PPP6R2: variants seen among roughly 807,000 people sequenced by gnomAD.
PPP6R2 encodes serine/threonine-protein phosphatase 6 regulatory subunit 2.
A neutral mutation model predicts 100.2 loss-of-function variants in PPP6R2; 62 were observed. The observed-to-expected ratio is 0.62, with a 90% confidence interval of 0.50 to 0.76. The LOEUF is 0.76. PPP6R2 is among the 30% of genes least tolerant of loss of function. The pLI is 0.00. For synonymous variants in PPP6R2, 525 were observed against 514.7 expected (o/e 1.02, Z -0.27); for missense variants, 1,142 against 1,276.3 (o/e 0.89, Z 1.60).
intron 1 of PPP6R2, among the ~76,000 whole-genome samples, chr22:50,354,804 G>A (rs944657135): frequency 1.3e-5 from 2 of 151,466 alleles, no homozygotes; most frequent in Non-Finnish European, 2.9e-5. Context: ...TCTCGTACAC[G>A]TACATACAAA....
chr22:50,351,057 T>A (rs1294457184), intron 1 of PPP6R2, among the ~76,000 whole-genome samples: 8 of 104,854 alleles, frequency 7.6e-5, no homozygotes, highest in Non-Finnish European at 9.8e-5. Flanking sequence ...TTTTTTTTTT[T>A]GAGACAGAGT....
At chr22:50,338,922 GGTATGTGGT>G (rs1450143993), upstream of PPP6R2, among the ~76,000 whole-genome samples, 1 of 132,550 alleles carries the variant, frequency 7.5e-6, no homozygotes, top group African/African-American at 3.2e-5. Context: ...TAGTGTGTGT[GGTATGTGGT>G]GTGTGTGGGT....
rs757972012 is a variant in PPP6R2, at chr22:50,437,027, G to A, written c.1642G>A (p.Asp548Asn). The change falls in exon 15 of 24, where the codon GAC becomes AAC. Residue 548 changes from aspartate (D) to asparagine (N), a missense_variant. Transcript: ENST00000612753. ...CCTTCACTCCTCAAGTGAGGACGAG[G>A]ACATTGAGGGTGCTTTCCCTAACGA... is the stretch of plus-strand genomic sequence containing the variant. ...HHLHSSSEDE[D>N]IEGAFPNELS... 6.4e-7 allele frequency: 1 copy of A among 1,563,184 alleles called. No homozygotes were observed. The highest frequency in any genetic ancestry group is 1.2e-5 in the South Asian group (1 of 84,916).
intron 1 of PPP6R2, among the ~76,000 whole-genome samples, chr22:50,364,617 G>A (rs1432421294): frequency 6.6e-6 from 1 of 152,192 alleles, no homozygotes; most frequent in Non-Finnish European, 1.5e-5. Flanking sequence ...ACTGAGGAGG[G>A]ACTCAGAAAG....
At chr22:50,414,764 C>T (rs2060291013) in intron 5 of PPP6R2, 75 bp downstream of exon 5, 1 of 1,523,490 alleles carries the variant, frequency 6.6e-7, no homozygotes, top group African/African-American at 1.4e-5. Context: ...TGCAGGAGCT[C>T]AGAGCACCAG....
At chr22:50,399,718 C>T (rs1267897454) in intron 3 of PPP6R2, among the ~76,000 whole-genome samples, 2 of 152,278 alleles carry the variant, frequency 1.3e-5, no homozygotes, top group African/African-American at 4.8e-5. Context: ...CACACGCTGC[C>T]TCTTCCTAAG....
chr22:50,428,561 A>ATCTGTAGTCTTAT (rs1276379747), intron 10 of PPP6R2, among the ~76,000 whole-genome samples: 2 of 152,122 alleles, frequency 1.3e-5, no homozygotes, highest in Non-Finnish European at 2.9e-5. Context: ...ATAAATAAGA[A>ATCTGTAGTCTTAT]TAAAAATTAG....
Position 50,444,359 on chromosome 22 carries a change from A to C in PPP6R2, c.*112A>C. 7.5e-7 allele frequency: 1 copy of C among 1,327,302 alleles called. No individual in the cohort carries two copies. The highest frequency in any genetic ancestry group is 1.0e-6 in the Non-Finnish European group (1 of 971,244). 82.2% of individuals were successfully genotyped at this position (1,327,302 alleles called of 1,614,324 possible). ...TTAATTTAATTTAATTTTAAAATAA[A>C]TGCTGCATTGGTAAAGCTGGCAGTT... On this transcript the variant is annotated 3_prime_UTR_variant, in exon 24 of 24. Coordinates refer to ENST00000612753, the MANE Select transcript of PPP6R2 (RefSeq NM_001242898.2).
intron 1 of PPP6R2, among the ~76,000 whole-genome samples, chr22:50,352,723 C>CA (rs2045575444): frequency 8.2e-6 from 1 of 121,704 alleles, no homozygotes. Context: ...GACTCTGTCT[C>CA]AAAACAAAAA....
chr22:50,347,096 G>A (rs1175044736), intron 1 of PPP6R2, among the ~76,000 whole-genome samples: 1 of 151,934 alleles, frequency 6.6e-6, no homozygotes, highest in Non-Finnish European at 1.5e-5. Flanking sequence ...CATCCTGCCT[G>A]TTGTGGCCCT....
At chr22:50,398,235 G>A (rs767817398) in intron 3 of PPP6R2, among the ~76,000 whole-genome samples, 2 of 149,922 alleles carry the variant, frequency 1.3e-5, no homozygotes, top group Non-Finnish European at 3.0e-5. Flanking sequence ...ACGGTGGTGC[G>A]ATCTCGGTTC....
chr22:50,348,067 A>G (rs1445791368), intron 1 of PPP6R2, among the ~76,000 whole-genome samples: 1 of 152,140 alleles, frequency 6.6e-6, no homozygotes, highest in Non-Finnish European at 1.5e-5. Flanking sequence ...AAAGGCCCTG[A>G]AGTGGGAAAT....
Position 50,406,738 on chromosome 22 carries a change from A to G in PPP6R2, c.277A>G (p.Ser93Gly). ...ELLTCDVPQI[S>G]DRLGGDESLL... ...TCTGACTTGTGATGTGCCGCAGATC[A>G]GCGACCGCCTCGGTGGGGACGAGAG... Residue 93 changes from serine (S) to glycine (G), a missense_variant, in exon 4 of 24, where the codon AGC (serine) becomes GGC (glycine). Transcript: ENST00000612753. The G allele has an allele frequency of 6.2e-7, 1 of 1,614,062 alleles. No homozygotes were observed. Among genetic ancestry groups the G allele is most frequent in the South Asian group, 1.1e-5 (1 of 91,074 alleles).
At chr22:50,363,964 G>A (rs1016997624) in intron 1 of PPP6R2, among the ~76,000 whole-genome samples, 4 of 149,992 alleles carry the variant, frequency 2.7e-5, no homozygotes, top group South Asian at 2.1e-4. Flanking sequence ...GCGCAATCTC[G>A]GCCCACTGCA....
intron 2 of PPP6R2, among the ~76,000 whole-genome samples, chr22:50,390,371 C>G (rs2055217699): frequency 6.6e-6 from 1 of 152,054 alleles, no homozygotes; most frequent in Non-Finnish European, 1.5e-5. Flanking sequence ...AAGGACATAC[C>G]AAACATGAAT....
At position 50,370,741 on chromosome 22, in the gene PPP6R2, C is replaced by T. The variant is rs1312056735; in HGVS notation, c.-147-1279C>T. On this transcript the variant is annotated intron_variant, in intron 1 of 23. Coordinates refer to ENST00000612753, the MANE Select transcript of PPP6R2 (RefSeq NM_001242898.2). ...CTCTGCCTCCCGGGTTCAAGTGATT[C>T]TCCTGCCTCAGCCTCCCGAGTAGCT... 2.0e-5 allele frequency among the ~76,000 whole-genome samples: 3 copies of T among 152,006 alleles called. No homozygotes were observed. In the East Asian group the frequency reaches 5.8e-4, roughly 29 times the overall value.
rs191757708 is a variant in PPP6R2 at position 50,427,457 on chromosome 22, A to T, written c.1126-3716A>T. On this transcript the variant is annotated intron_variant, in intron 10 of 23. Transcript: ENST00000612753. ...AATTGCTGTTCAGATTTTGGTAGGG[A>T]TTGCATTGAATTTATAGATCACTTT... 1.2e-4 allele frequency among the ~76,000 whole-genome samples: 18 copies of T among 152,296 alleles called. 1 individual carries two copies. Among genetic ancestry groups the T allele is most frequent in the Middle Eastern group, 3.4e-3 (1 of 294 alleles).
intron 1 of PPP6R2, among the ~76,000 whole-genome samples, chr22:50,358,608 A>G (rs1384600579): frequency 2.0e-5 from 3 of 152,202 alleles, no homozygotes; most frequent in African/African-American, 7.2e-5. Flanking sequence ...GATAGTAAAC[A>G]TATTCATTGT....
the PPP6R2 span, among the ~76,000 whole-genome samples, chr22:50,331,566 C>G: frequency 2.0e-5 from 3 of 151,928 alleles, no homozygotes; most frequent in Non-Finnish European, 4.4e-5. Context: ...GCTCCTAAGT[C>G]ATTTGTGTTA....
Sources: allele counts gnomAD v4.1 joint callset (sites outside exome capture counted in the v4.1 genomes callset), GRCh38; gene constraint gnomAD v4.1.1; transcripts MANE v1.5; gene names NCBI Gene and HGNC (gene_info 2026-07-23, HGNC 2026-07-21).